Variants in CELF2 observed in about 807,000 individuals in gnomAD.
CELF2 encodes the protein CUGBP Elav-like family member 2.
A neutral mutation model predicts 62.6 loss-of-function variants in CELF2; 8 were observed. The observed-to-expected ratio is 0.13, with a 90% CI of 0.07 to 0.23. CELF2 has a LOEUF of 0.23. CELF2 is among the 10% of genes least tolerant of loss of function. The pLI is 1.00. For synonymous variants in CELF2, 258 were observed against 250.0 expected (o/e 1.03, Z -0.30); for missense variants, 333 against 671.0 (o/e 0.50, Z 5.56).
intron 2 of CELF2, among the ~76,000 whole-genome samples, chr10:10,932,529 A>G (rs1362386264): frequency 6.6e-6 from 1 of 152,226 alleles, no homozygotes; most frequent in Non-Finnish European, 1.5e-5. Context: ...GGAAAGTTTT[A>G]CCTTGTCAAT....
intron 1 of CELF2, among the ~76,000 whole-genome samples, chr10:10,892,575 A>T (rs1211051586): frequency 6.6e-6 from 1 of 152,214 alleles, no homozygotes; most frequent in Non-Finnish European, 1.5e-5. Context: ...AAAATGTCCC[A>T]TTCCACATTC....
the CELF2 span, among the ~76,000 whole-genome samples, chr10:10,602,807 G>C: frequency 6.6e-6 from 1 of 152,062 alleles, no homozygotes; most frequent in East Asian, 1.9e-4. Flanking sequence ...CACAGAACTT[G>C]AGAGCAACAG....
chr10:10,609,023 C>T, the CELF2 span, among the ~76,000 whole-genome samples: 2 of 152,186 alleles, frequency 1.3e-5, no homozygotes, highest in African/African-American at 4.8e-5. Context: ...AAAGCAGCCT[C>T]CTTGCAAACG....
chr10:10,855,111 A>G (rs951276725), intron 1 of CELF2, among the ~76,000 whole-genome samples: 1 of 152,160 alleles, frequency 6.6e-6, no homozygotes, highest in Admixed American at 6.5e-5. Context: ...ACTTTGTGCC[A>G]CTGGGTTCCA....
chr10:11,321,169 T>C lies in CELF2; in HGVS notation c.1097-20T>C. 1 of 1,612,762 alleles carries C rather than the reference T, an allele frequency of 6.2e-7. No homozygotes were observed. The highest frequency in any genetic ancestry group is 8.5e-7 in the Non-Finnish European group (1 of 1,178,812). On this transcript the variant is annotated intron_variant, in intron 10 of 12. Coordinates refer to ENST00000633077, the MANE Select transcript of CELF2 (RefSeq NM_001326342.2). The surrounding 1 kb of genome is among the most constrained non-coding windows in gnomAD (Gnocchi z 6.2). ...GAATAAGTGCTGTTTCTCTTCTCTA[T>C]TGTTGGGTTTTTTGTAAAGTTGCTC...
intron 1 of CELF2, among the ~76,000 whole-genome samples, chr10:11,122,660 C>T (rs952141181): frequency 2.0e-5 from 3 of 152,200 alleles, no homozygotes; most frequent in African/African-American, 7.2e-5. Flanking sequence ...GTTCCTTTAA[C>T]ACTATGAGAA....
the CELF2 span, among the ~76,000 whole-genome samples, chr10:10,740,150 G>C: frequency 3.8e-4 from 30 of 78,300 alleles, 1 homozygote; most frequent in South Asian, 0.012. Context: ...TTTGTTGCCT[G>C]TGCTTTTTTT....
chr10:10,463,937 A>G, the CELF2 span, among the ~76,000 whole-genome samples: 1 of 147,334 alleles, frequency 6.8e-6, no homozygotes, highest in South Asian at 2.2e-4. Context: ...TAGTTACCAA[A>G]TGTCCATTAA....
intron 1 of CELF2, among the ~76,000 whole-genome samples, chr10:11,147,251 T>C (rs573764488): frequency 6.6e-6 from 1 of 152,326 alleles, no homozygotes; most frequent in African/African-American, 2.4e-5. Flanking sequence ...TGAAGGATGA[T>C]ACTTTGGGAA....
chr10:10,937,145 G>A (rs10905870), intron 2 of CELF2, among the ~76,000 whole-genome samples: 33,482 of 86,820 alleles, frequency 0.39, 4,854 homozygotes, highest in East Asian at 0.72. Context: ...TTTTTTTTTC[G>A]TGACAGAGCC....
intron 8 of CELF2, among the ~76,000 whole-genome samples, chr10:11,278,974 T>C (rs2087209506): frequency 6.6e-6 from 1 of 152,222 alleles, no homozygotes; most frequent in Non-Finnish European, 1.5e-5. Context: ...AACCGTGCTC[T>C]GTGTCTCAGC....
At chr10:11,060,558 T>C (rs1468153137) in intron 1 of CELF2, among the ~76,000 whole-genome samples, 1 of 152,202 alleles carries the variant, frequency 6.6e-6, no homozygotes. Flanking sequence ...CATCAGCCTT[T>C]GATGTGCTTG....
chr10:10,490,166 G>A, the CELF2 span, among the ~76,000 whole-genome samples: 1 of 152,066 alleles, frequency 6.6e-6, no homozygotes, highest in East Asian at 1.9e-4. Context: ...GAACTCTTTA[G>A]GCTTGCCTAA....
At chr10:11,162,764 A>C in intron 1 of CELF2, among the ~76,000 whole-genome samples, 1 of 152,260 alleles carries the variant, frequency 6.6e-6, no homozygotes, top group Non-Finnish European at 1.5e-5. Context: ...CACTCATTTC[A>C]GATGCTTCAC....
the CELF2 span, among the ~76,000 whole-genome samples, chr10:10,700,004 GC>G: frequency 6.6e-6 from 1 of 152,122 alleles, no homozygotes; most frequent in Non-Finnish European, 1.5e-5. Flanking sequence ...AAAAAGCCTA[GC>G]CTCCACCTTA....
chr10:10,803,631 C>T (rs926351629), intron 1 of CELF2, among the ~76,000 whole-genome samples: 1 of 152,202 alleles, frequency 6.6e-6, no homozygotes, highest in Admixed American at 6.5e-5. Flanking sequence ...AGCCAGTACT[C>T]AACTATATTG....
At chr10:10,757,224 G>A in the CELF2 span, among the ~76,000 whole-genome samples, 2 of 152,098 alleles carry the variant, frequency 1.3e-5, no homozygotes, top group East Asian at 1.9e-4. Flanking sequence ...TTGGGAGGTC[G>A]AGGTAGGAAC....
chr10:11,002,280 T>C (rs1427270171), upstream of CELF2, among the ~76,000 whole-genome samples: 8 of 152,178 alleles, frequency 5.3e-5, no homozygotes. This position sits in a 1 kb window ranked among gnomAD's most constrained non-coding sequence, Gnocchi z 4.4. Flanking sequence ...AAACCGCCCC[T>C]GTGATTTCAG....
intron 1 of CELF2, among the ~76,000 whole-genome samples, chr10:11,108,234 A>G (rs1245514608): frequency 6.7e-6 from 1 of 150,206 alleles, no homozygotes; most frequent in Non-Finnish European, 1.5e-5. Context: ...TTCACAGGTT[A>G]CCATTAGGAT....
Sources: allele counts gnomAD v4.1 joint callset (sites outside exome capture counted in the v4.1 genomes callset), GRCh38; gene constraint gnomAD v4.1.1; non-coding constraint Gnocchi (gnomAD v3.1); transcripts MANE v1.5; gene names NCBI Gene and HGNC (gene_info 2026-07-23, HGNC 2026-07-21).